The following USP53 variants were observed in gnomAD, a reference collection of about 807,000 sequenced individuals.
The protein encoded by USP53 is ubiquitin carboxyl-terminal hydrolase 53.
In USP53, 71 loss-of-function variants were observed where a neutral mutation model predicts 94.9. The ratio of observed to expected loss-of-function variants is 0.75; its 90% CI spans 0.62 to 0.91. The LOEUF is 0.91. Among genes scored for constraint, USP53 ranks in the 40% least tolerant of loss-of-function variants. USP53 has a pLI of 0.00. For missense variants in USP53, 1,173 were observed against 1,281.0 expected, an observed-to-expected ratio of 0.92 and a Z score of 1.29; for synonymous variants, 375 against 422.7, an observed-to-expected ratio of 0.89 and a Z score of 1.39.
intron 7 of USP53, among the ~76,000 whole-genome samples, chr4:119,249,875 A>T (rs1259970859): frequency 6.6e-6 from 1 of 152,030 alleles, no homozygotes; most frequent in African/African-American, 2.4e-5. Flanking sequence ...TGTGTTAGCC[A>T]GGATGGTCTC....
Position 119,293,077 on chromosome 4 carries a change from A to G in USP53, c.3088A>G (p.Asn1030Asp), listed in dbSNP as rs1754948959. Residue 1030 changes from asparagine (N) to aspartate (D), a missense_variant, in exon 19 of 19, where the codon AAT becomes GAT. Asn to Asp is a conservative substitution (Grantham distance 23). Coordinates refer to ENST00000692078, the MANE Select transcript of USP53 (RefSeq NM_001371395.1). ...ACTAGACTCTATTTCTACCTGTCCA[A>G]ATGAGACAGTTTCATTAACTACCTA... Reference protein sequence around the residue: ...PELDSISTCPNETVSLTTYFS... With the variant: ...PELDSISTCPDETVSLTTYFS... 4 of 1,614,056 alleles carry G rather than the reference A, an allele frequency of 2.5e-6. No homozygotes were observed. Among genetic ancestry groups the G allele is most frequent in the Non-Finnish European group, 3.4e-6 (4 of 1,179,946 alleles).
intron 14 of USP53, among the ~76,000 whole-genome samples, 157 bp downstream of exon 14, chr4:119,268,577 T>A (rs7690674): frequency 0.046 from 7,042 of 152,322 alleles, 220 homozygotes; most frequent in Middle Eastern, 0.085. Flanking sequence ...CTCTGAGAGC[T>A]GTAGTTTTAC....
At chr4:119,282,294 G>A (rs1418347621) in intron 17 of USP53, among the ~76,000 whole-genome samples, 1 of 152,064 alleles carries the variant, frequency 6.6e-6, no homozygotes, top group Non-Finnish European at 1.5e-5. Flanking sequence ...GCAAATGTCT[G>A]TTTGAGTTCC....
intron 2 of USP53, among the ~76,000 whole-genome samples, chr4:119,215,941 T>C (rs1215288838): frequency 1.3e-5 from 2 of 152,210 alleles, no homozygotes; most frequent in Non-Finnish European, 2.9e-5. Flanking sequence ...TTTACACATA[T>C]TACAAAAAAG....
chr4:119,212,717 C>G lies in USP53; in HGVS notation c.-1098C>G, dbSNP rs1328214960. On this transcript the variant is annotated 5_prime_UTR_variant, in exon 1 of 19. Transcript: ENST00000692078. ...GAGACCAGCCGCCTGTGCTCCAGTT[C>G]CCGGTGAGCCTCGGTACTGTGGCAG... 2.9e-6 allele frequency: 1 copy of G among 341,360 alleles called. No individual in the cohort carries two copies. Among genetic ancestry groups the G allele is most frequent in the East Asian group, 7.6e-5 (1 of 13,190 alleles). The allele number at this position is 341,360 out of a possible 1,614,324, so 21.1% of individuals were successfully genotyped here. A position where few individuals can be genotyped will look rare whatever the true frequency, so the allele number is the denominator to read the frequency against.
intron 5 of USP53, among the ~76,000 whole-genome samples, chr4:119,240,184 T>C (rs571333293): frequency 6.6e-6 from 1 of 152,240 alleles, no homozygotes; most frequent in Non-Finnish European, 1.5e-5. Flanking sequence ...CATACACAAA[T>C]GTTTTGGTTT....
chr4:119,219,617 C>A (rs1028308680), intron 3 of USP53: 1 of 152,180 alleles, frequency 6.6e-6, no homozygotes, highest in Non-Finnish European at 1.5e-5. Flanking sequence ...TATCATTTAC[C>A]CAGACCATTC....
intron 4 of USP53, among the ~76,000 whole-genome samples, chr4:119,236,199 C>G (rs1746721891): frequency 6.6e-6 from 1 of 152,174 alleles, no homozygotes; most frequent in African/African-American, 2.4e-5. Flanking sequence ...GTTATGTATA[C>G]ACTATACCAC....
At chr4:119,288,235 A>G (rs1302427023) in intron 17 of USP53, among the ~76,000 whole-genome samples, 1 of 152,244 alleles carries the variant, frequency 6.6e-6, no homozygotes, top group East Asian at 1.9e-4. Flanking sequence ...GCTAACACAA[A>G]TAACATTTTT....
At chr4:119,263,118 C>G (rs557843644) in intron 12 of USP53, among the ~76,000 whole-genome samples, 1 of 152,250 alleles carries the variant, frequency 6.6e-6, no homozygotes, top group East Asian at 1.9e-4. Flanking sequence ...GTGATTAAGA[C>G]AATACAAATT....
chr4:119,242,985 T>C (rs1747746601), intron 5 of USP53, among the ~76,000 whole-genome samples: 1 of 152,138 alleles, frequency 6.6e-6, no homozygotes, highest in Non-Finnish European at 1.5e-5. Context: ...TGATGAAAGG[T>C]TTGTATTTAA....
intron 17 of USP53, among the ~76,000 whole-genome samples, chr4:119,279,649 G>T (rs1430434986): frequency 6.6e-6 from 1 of 152,028 alleles, no homozygotes; most frequent in African/African-American, 2.4e-5. Context: ...CTTCCTGGCT[G>T]CTTTGTTTAC....
chr4:119,291,168 T>G lies in USP53; in HGVS notation c.2255T>G (p.Phe752Cys). Reference sequence around the variant, plus strand: ...TCCCCACCCCACCCAACCCTAGGCTTTAGAAAAGAACTCAGGAATTTGGAA... The same window carrying G: ...TCCCCACCCCACCCAACCCTAGGCTGTAGAAAAGAACTCAGGAATTTGGAA... ...SLQSQHHLEG[F>C]RKELRNLEAG... Residue 752 changes from phenylalanine to cysteine, a missense_variant, in exon 18 of 19, where the codon TTT becomes TGT. Coordinates refer to ENST00000692078, the MANE Select transcript of USP53 (RefSeq NM_001371395.1). 1 of 1,336,816 alleles carries G rather than the reference T, an allele frequency of 7.5e-7. No individual in the cohort carries two copies. The highest frequency in any genetic ancestry group is 1.0e-6 in the Non-Finnish European group (1 of 968,966). 82.8% of individuals were successfully genotyped at this position (1,336,816 alleles called of 1,614,324 possible).
chr4:119,281,894 C>T (rs1006119586), intron 17 of USP53, among the ~76,000 whole-genome samples: 1 of 152,068 alleles, frequency 6.6e-6, no homozygotes, highest in Non-Finnish European at 1.5e-5. Context: ...CACTGTTGTG[C>T]AACGATTACT....
At chr4:119,287,664 A>AACTTACTAGT (rs1754266910) in intron 17 of USP53, among the ~76,000 whole-genome samples, 1 of 152,202 alleles carries the variant, frequency 6.6e-6, no homozygotes, top group Non-Finnish European at 1.5e-5. Flanking sequence ...AATGCAGAAA[A>AACTTACTAGT]ACTTACTAGA....
intron 3 of USP53, among the ~76,000 whole-genome samples, chr4:119,230,326 C>T (rs1370753992): frequency 6.6e-6 from 1 of 152,160 alleles, no homozygotes; most frequent in Non-Finnish European, 1.5e-5. Context: ...GCCTTTGTCA[C>T]TCAAAAACAC....
At chr4:119,246,436 C>A (rs1259384035) in intron 6 of USP53, among the ~76,000 whole-genome samples, 1 of 152,218 alleles carries the variant, frequency 6.6e-6, no homozygotes, top group Non-Finnish European at 1.5e-5. Context: ...AGCCCACAGC[C>A]AGCATCAACT....
At position 119,260,549 on chromosome 4, in the gene USP53, A is replaced by C. The variant is rs758841687; in HGVS notation, c.718A>C (p.Asn240His). The C allele has an allele frequency of 1.2e-6, 2 of 1,613,860 alleles. No individual in the cohort carries two copies. The highest frequency in any genetic ancestry group is 4.5e-5 in the East Asian group (2 of 44,854). Reference protein sequence around the residue: ...QKIKIRRVLMNCPEIVTIGLV... With the variant: ...QKIKIRRVLMHCPEIVTIGLV... ...AATAAAAATTCGCCGTGTTTTAATGAATTGCCCAGAGATTGTTACAATTGG... is the reference window on the plus strand; with the variant it reads ...AATAAAAATTCGCCGTGTTTTAATGCATTGCCCAGAGATTGTTACAATTGG... Residue 240 changes from asparagine to histidine, a missense_variant, in exon 11 of 19, where the codon AAT (asparagine) becomes CAT (histidine). Physicochemically the swap from Asn to His is moderately conservative, Grantham distance 68. Coordinates refer to ENST00000692078, the MANE Select transcript of USP53 (RefSeq NM_001371395.1).
chr4:119,237,498 G>T (rs1746944397), intron 4 of USP53, among the ~76,000 whole-genome samples: 2 of 151,782 alleles, frequency 1.3e-5, no homozygotes, highest in Non-Finnish European at 2.9e-5. Flanking sequence ...CTCCCTCGCT[G>T]CTATCTATTG....
Sources: gnomAD v4.1 joint callset for allele counts (sites outside exome capture counted in the v4.1 genomes callset) on GRCh38, gnomAD v4.1.1 for gene constraint, MANE v1.5 for transcripts, NCBI Gene and HGNC (gene_info 2026-07-23, HGNC 2026-07-21) for gene names.